DLGAP2: variants seen among roughly 807,000 people sequenced by gnomAD.
DLGAP2 encodes DLG associated protein 2.
DLGAP2 carries 26 observed loss-of-function variants against 100.3 expected under a neutral mutation model. The observed-to-expected ratio is 0.26, with a 90% CI of 0.19 to 0.36. The LOEUF (loss-of-function observed/expected upper bound fraction) is 0.36, where lower values mean the gene tolerates loss of function less well. Ranked by LOEUF, DLGAP2 falls within the 10% of genes least tolerant of loss-of-function variation. The pLI is 1.00. For missense variants in DLGAP2, 1,858 were observed against 1,453.2 expected (o/e 1.28, Z -4.53); for synonymous variants, 886 against 630.1 (o/e 1.41, Z -6.08).
At chr8:749,458 G>C (rs1358598984) in intron 1 of DLGAP2, among the ~76,000 whole-genome samples, 1 of 149,432 alleles carries the variant, frequency 6.7e-6, no homozygotes, top group African/African-American at 2.5e-5. Context: ...AAATTACCTT[G>C]TTTTTTTTTC....
At position 1,560,888 on chromosome 8, in the gene DLGAP2, A is replaced by G. The variant is rs57764791; in HGVS notation, c.1231-4795A>G. Among the ~76,000 whole-genome samples the G allele has an allele frequency of 6.5e-3, 983 of 152,332 alleles. 16 individuals are homozygous for G. The highest frequency in any genetic ancestry group is 0.024 in the Middle Eastern group (7 of 294). On this transcript the variant is annotated intron_variant, in intron 5 of 14. Transcript: ENST00000637795. ...CCCAGGCCTGTCTCTTACCTGACCTACAGCTCTGCAGCTCTGCGGTGTCAT... is the reference window on the plus strand; with the variant it reads ...CCCAGGCCTGTCTCTTACCTGACCTGCAGCTCTGCAGCTCTGCGGTGTCAT...
intron 3 of DLGAP2, among the ~76,000 whole-genome samples, chr8:1,364,039 C>G (rs1802048371): frequency 6.6e-6 from 1 of 152,158 alleles, no homozygotes; most frequent in Non-Finnish European, 1.5e-5. Context: ...CTCATGGAAC[C>G]CCATATGGGG....
intron 3 of DLGAP2, among the ~76,000 whole-genome samples, chr8:1,274,072 C>G (rs150814284): frequency 6.6e-6 from 1 of 152,016 alleles, no homozygotes; most frequent in African/African-American, 2.4e-5. Flanking sequence ...AACAGCGTGA[C>G]GGCTCTGTTC....
intron 6 of DLGAP2, among the ~76,000 whole-genome samples, chr8:1,588,506 A>T (rs1400414685): frequency 1.3e-5 from 2 of 152,150 alleles, no homozygotes; most frequent in East Asian, 3.9e-4. Flanking sequence ...TAATTTATGA[A>T]TTTTTTCATT....
At chr8:1,126,570 G>C (rs1372070352) in intron 2 of DLGAP2, among the ~76,000 whole-genome samples, 1 of 151,998 alleles carries the variant, frequency 6.6e-6, no homozygotes, top group Non-Finnish European at 1.5e-5. Flanking sequence ...GAGATCAGAG[G>C]CTTAGACTCC....
chr8:1,264,441 C>T (rs768345030), intron 3 of DLGAP2, among the ~76,000 whole-genome samples: 4 of 152,178 alleles, frequency 2.6e-5, no homozygotes, highest in Non-Finnish European at 5.9e-5. Context: ...GCTCATCGCA[C>T]ATCCAGGGCC....
chr8:829,988 A>C (rs1318296401), intron 1 of DLGAP2, among the ~76,000 whole-genome samples: 2 of 152,178 alleles, frequency 1.3e-5, no homozygotes, highest in Non-Finnish European at 2.9e-5. Context: ...CCTCTATTTG[A>C]GTACTTAATT....
chr8:987,792 G>A (rs1373726983), intron 2 of DLGAP2, among the ~76,000 whole-genome samples: 3 of 152,190 alleles, frequency 2.0e-5, no homozygotes, highest in Non-Finnish European at 2.9e-5. Context: ...CACACCGGGT[G>A]CTTCCTGTGT....
intron 3 of DLGAP2, among the ~76,000 whole-genome samples, chr8:1,376,259 T>G (rs1483363388): frequency 1.3e-5 from 2 of 152,230 alleles, no homozygotes; most frequent in African/African-American, 2.4e-5. Flanking sequence ...ACGTGCTGTC[T>G]CATAGCTGTG....
intron 2 of DLGAP2, among the ~76,000 whole-genome samples, chr8:920,443 A>T (rs1279864282): frequency 6.6e-6 from 1 of 152,218 alleles, no homozygotes; most frequent in Non-Finnish European, 1.5e-5. Flanking sequence ...TCCTGGGTGC[A>T]TAATAACAAT....
chr8:763,503 C>G (rs370145635), intron 1 of DLGAP2, among the ~76,000 whole-genome samples: 5 of 152,276 alleles, frequency 3.3e-5, no homozygotes, highest in South Asian at 2.1e-4. Context: ...TTCCATAATT[C>G]GCACTTCTAA....
intron 6 of DLGAP2, among the ~76,000 whole-genome samples, chr8:1,605,225 G>T (rs1243282853): frequency 6.6e-6 from 1 of 152,170 alleles, no homozygotes; most frequent in Admixed American, 6.5e-5. Flanking sequence ...GCAAGCCCCA[G>T]ATCCGGACCT....
chr8:861,506 C>T (rs558010715), intron 1 of DLGAP2, among the ~76,000 whole-genome samples: 36 of 152,230 alleles, frequency 2.4e-4, no homozygotes, highest in East Asian at 1.2e-3. Flanking sequence ...TAGCTCCTGT[C>T]GTATTTCTTA....
At position 795,790 on chromosome 8, in the gene DLGAP2, C is replaced by CA. The variant is rs1563437680; in HGVS notation, c.18+57965_18+57966insA. ...CAGGCGTCCAGTGAGAGCAGGCGTC[C>CA]GGTGAGAACAGGCGTCCGGTGAGAG... is the stretch of plus-strand genomic sequence containing the variant. On this transcript the variant is annotated intron_variant, in intron 1 of 14. Coordinates refer to ENST00000637795, the MANE Select transcript of DLGAP2 (RefSeq NM_001346810.2). Among the ~76,000 whole-genome samples the CA allele has an allele frequency of 2.0e-3, 279 of 140,652 alleles. 35 individuals carry two copies. The highest frequency in any genetic ancestry group is 2.7e-3 in the Non-Finnish European group (173 of 65,024). The allele number at this position is 140,652 out of a possible 152,430, so 92.3% of individuals were successfully genotyped here.
At chr8:787,823 G>C (rs556853918) in intron 1 of DLGAP2, among the ~76,000 whole-genome samples, 1 of 152,218 alleles carries the variant, frequency 6.6e-6, no homozygotes. Context: ...TTGAGGCCTG[G>C]GTTTGGGCTC....
intron 8 of DLGAP2, among the ~76,000 whole-genome samples, chr8:1,665,953 C>A (rs1798533842): frequency 6.6e-6 from 1 of 152,202 alleles, no homozygotes; most frequent in Non-Finnish European, 1.5e-5. Flanking sequence ...CACTCAACAC[C>A]CTTGATAAAT....
intron 3 of DLGAP2, among the ~76,000 whole-genome samples, chr8:1,333,226 C>T (rs1467576356): frequency 2.0e-5 from 3 of 152,132 alleles, no homozygotes; most frequent in East Asian, 1.9e-4. Flanking sequence ...GAAGGAGAAA[C>T]CCACTGCTAC....
chr8:1,685,180 C>T (rs1043442953), intron 12 of DLGAP2, among the ~76,000 whole-genome samples: 5 of 151,288 alleles, frequency 3.3e-5, no homozygotes, highest in African/African-American at 1.2e-4. Flanking sequence ...TTGGCACTCA[C>T]ACAGCGGTCA....
At chr8:1,670,555 C>T (rs185501163) in intron 10 of DLGAP2, among the ~76,000 whole-genome samples, 1 of 152,248 alleles carries the variant, frequency 6.6e-6, no homozygotes, top group Admixed American at 6.5e-5. Flanking sequence ...AGCACTGTGC[C>T]TGGCACATAG....
Sources: allele counts gnomAD v4.1 joint callset (sites outside exome capture counted in the v4.1 genomes callset), GRCh38; gene constraint gnomAD v4.1.1; transcripts MANE v1.5; gene names NCBI Gene and HGNC (gene_info 2026-07-23, HGNC 2026-07-21).